Variants in WWOX observed in about 807,000 individuals in gnomAD.
WWOX encodes WW domain-containing oxidoreductase.
Under a neutral mutation model 46.2 loss-of-function variants are expected in WWOX, and 69 were observed. The observed-to-expected ratio is 1.49, with a 90% confidence interval of 1.23 to 1.82. The LOEUF (loss-of-function observed/expected upper bound fraction) is 1.82, where lower values mean the gene tolerates loss of function less well. Ranked by LOEUF, WWOX falls within the 40% of genes most tolerant of loss-of-function variation. The pLI is 0.00. For missense variants in WWOX, 919 were observed against 542.6 expected, an observed-to-expected ratio of 1.69 and a Z score of -6.89; for synonymous variants, 359 against 202.6, an observed-to-expected ratio of 1.77 and a Z score of -6.56.
intron 8 of WWOX, among the ~76,000 whole-genome samples, chr16:79,009,797 C>T (rs2047266751): frequency 6.6e-6 from 1 of 152,088 alleles, no homozygotes; most frequent in African/African-American, 2.4e-5. Context: ...AACCATGGTA[C>T]ATGGGAAGGA....
chr16:79,102,308 T>C (rs193022141), intron 8 of WWOX, among the ~76,000 whole-genome samples: 73 of 152,300 alleles, frequency 4.8e-4, no homozygotes, highest in African/African-American at 1.6e-3. Flanking sequence ...TGTTTGACTC[T>C]AGGACTCAGC....
At chr16:78,923,409 A>G (rs948471895) in intron 8 of WWOX, among the ~76,000 whole-genome samples, 2 of 152,198 alleles carry the variant, frequency 1.3e-5, no homozygotes, top group South Asian at 2.1e-4. Flanking sequence ...TTTCTTCTAT[A>G]TAAGTCCCAG....
At chr16:78,494,283 A>G (rs1001765222) in intron 8 of WWOX, among the ~76,000 whole-genome samples, 3 of 152,170 alleles carry the variant, frequency 2.0e-5, no homozygotes, top group South Asian at 4.2e-4. Flanking sequence ...TTAGCCCCCT[A>G]TGCAGCACAC....
intron 8 of WWOX, among the ~76,000 whole-genome samples, chr16:79,159,882 C>A (rs1012674285): frequency 2.0e-5 from 3 of 152,114 alleles, no homozygotes; most frequent in Non-Finnish European, 4.4e-5. Flanking sequence ...GGGGTGTATG[C>A]CGCACCTCCT....
intron 5 of WWOX, among the ~76,000 whole-genome samples, chr16:78,225,091 G>A (rs925013776): frequency 1.3e-5 from 2 of 152,154 alleles, no homozygotes; most frequent in African/African-American, 4.8e-5. Context: ...TCGGAATTCT[G>A]TCATTGCATG....
At chr16:78,566,824 A>T (rs939649794) in intron 8 of WWOX, among the ~76,000 whole-genome samples, 5 of 152,186 alleles carry the variant, frequency 3.3e-5, no homozygotes, top group Admixed American at 6.5e-5. Context: ...ACATTGTTTG[A>T]TTCATCAATC....
chr16:78,493,025 C>A (rs915713584), intron 8 of WWOX, among the ~76,000 whole-genome samples: 6 of 152,120 alleles, frequency 3.9e-5, no homozygotes, highest in Non-Finnish European at 8.8e-5. Context: ...GGTAAAGTGA[C>A]GTTTTGATGA....
chr16:79,039,123 G>T (rs2151407229), intron 8 of WWOX, among the ~76,000 whole-genome samples: 1 of 152,198 alleles, frequency 6.6e-6, no homozygotes, highest in Admixed American at 6.5e-5. Context: ...AGAAATGAAA[G>T]TTCTGACTGT....
chr16:78,824,065 C>G (rs772043896), intron 8 of WWOX, among the ~76,000 whole-genome samples: 4 of 152,096 alleles, frequency 2.6e-5, no homozygotes, highest in Admixed American at 6.6e-5. Flanking sequence ...CCTCTGAATC[C>G]AAATTTTATT....
intron 8 of WWOX, among the ~76,000 whole-genome samples, chr16:79,130,749 A>G (rs976354010): frequency 6.6e-6 from 1 of 152,190 alleles, no homozygotes; most frequent in African/African-American, 2.4e-5. Flanking sequence ...AATCGCCACA[A>G]TGTATTACAG....
At chr16:78,730,148 G>C (rs935726449) in intron 8 of WWOX, among the ~76,000 whole-genome samples, 1 of 152,038 alleles carries the variant, frequency 6.6e-6, no homozygotes, top group Non-Finnish European at 1.5e-5. Context: ...GAAACTACTT[G>C]GGCAAGAATA....
At chr16:78,362,715 A>C (rs1005003814) in intron 5 of WWOX, among the ~76,000 whole-genome samples, 1 of 152,226 alleles carries the variant, frequency 6.6e-6, no homozygotes, top group East Asian at 1.9e-4. Flanking sequence ...GTTTCCAGGA[A>C]ACAGCCTCAA....
chr16:79,016,309 G>C (rs952801033), intron 8 of WWOX: 1 of 152,286 alleles, frequency 6.6e-6, no homozygotes, highest in Non-Finnish European at 1.5e-5. Flanking sequence ...ATGAGATGCG[G>C]TGATGCTGTC....
At chr16:78,519,812 C>T (rs952916426) in intron 8 of WWOX, among the ~76,000 whole-genome samples, 8 of 152,258 alleles carry the variant, frequency 5.3e-5, no homozygotes, top group South Asian at 4.2e-4. Context: ...CATCTACTGG[C>T]CCCTTTATCT....
intron 8 of WWOX, among the ~76,000 whole-genome samples, chr16:78,618,886 G>T (rs1216866197): frequency 6.6e-6 from 1 of 151,356 alleles, no homozygotes; most frequent in Non-Finnish European, 1.5e-5. Flanking sequence ...TGCCCAGCAT[G>T]GATCTTCTCC....
intron 8 of WWOX, among the ~76,000 whole-genome samples, chr16:79,028,170 C>T (rs1212001683): frequency 1.3e-5 from 2 of 151,666 alleles, no homozygotes; most frequent in Non-Finnish European, 2.9e-5. Context: ...AGGATGGTCT[C>T]GATCTCCTGA....
intron 8 of WWOX, among the ~76,000 whole-genome samples, chr16:79,120,101 T>C (rs12928653): frequency 0.47 from 70,729 of 151,996 alleles, 17,020 homozygotes; most frequent in East Asian, 0.65. Flanking sequence ...TCACTTAACA[T>C]CCTGCCGTTA....
At chr16:78,669,938 A>G (rs1002367927) in intron 8 of WWOX, among the ~76,000 whole-genome samples, 2 of 152,210 alleles carry the variant, frequency 1.3e-5, no homozygotes, top group South Asian at 2.1e-4. Context: ...TATTAATAGA[A>G]CAAGTCCTCT....
chr16:78,627,163 T>G (rs985606803), intron 8 of WWOX, among the ~76,000 whole-genome samples: 15 of 152,182 alleles, frequency 9.9e-5, no homozygotes, highest in Non-Finnish European at 1.3e-4. Flanking sequence ...GTGGGTGAGT[T>G]CTCCCACTTT....
Sources: gnomAD v4.1 joint callset for allele counts (sites outside exome capture counted in the v4.1 genomes callset) on GRCh38, gnomAD v4.1.1 for gene constraint, MANE v1.5 for transcripts, NCBI Gene and HGNC (gene_info 2026-07-23, HGNC 2026-07-21) for gene names.